CES5A: variants seen among roughly 807,000 people sequenced by gnomAD.
CES5A encodes carboxylesterase 5.
Under a neutral mutation model 62.9 loss-of-function variants are expected in CES5A, and 67 were observed. The observed-to-expected ratio is 1.07, with a 90% CI of 0.88 to 1.31. The LOEUF is 1.31. Among genes scored for constraint, CES5A ranks in the 50% most tolerant of loss-of-function variants. The pLI is 0.00. For synonymous variants in CES5A, 296 were observed against 280.8 expected (o/e 1.05, Z -0.54); for missense variants, 748 against 708.5 (o/e 1.06, Z -0.63).
At chr16:55,930,264 C>CATATAGGCTCTGCATATTTAAA (rs1320817721), upstream of CES5A, among the ~76,000 whole-genome samples, 1 of 152,002 alleles carries the variant, frequency 6.6e-6, no homozygotes, top group Non-Finnish European at 1.5e-5. Context: ...CTAGGCTCTG[C>CATATAGGCTCTGCATATTTAAA]ATATGCAATA....
At chr16:55,905,323 C>T (rs2034029567) in intron 1 of CES5A, among the ~76,000 whole-genome samples, 1 of 151,564 alleles carries the variant, frequency 6.6e-6, no homozygotes, top group East Asian at 1.9e-4. Flanking sequence ...TGCTTTTCTC[C>T]TTTTATCCAC....
chr16:55,858,891 G>A (rs149927395), intron 8 of CES5A, among the ~76,000 whole-genome samples: 17 of 152,212 alleles, frequency 1.1e-4, no homozygotes, highest in East Asian at 7.7e-4. Flanking sequence ...CTAGAAGAGC[G>A]TTTCCTGACC....
At chr16:55,940,446 C>A (rs1355559560) in intron 2 of CES5A, among the ~76,000 whole-genome samples, 4 of 151,874 alleles carry the variant, frequency 2.6e-5, no homozygotes, top group African/African-American at 9.7e-5. Flanking sequence ...TTGAACAATT[C>A]TTGGAAAACC....
At chr16:55,889,318 G>C (rs1234761478) in intron 1 of CES5A, among the ~76,000 whole-genome samples, 2 of 152,122 alleles carry the variant, frequency 1.3e-5, no homozygotes, top group African/African-American at 2.4e-5. Flanking sequence ...AAATCCCACA[G>C]GTTGGGGGCT....
At chr16:55,857,226 CAT>C (rs1246669926) in intron 8 of CES5A, among the ~76,000 whole-genome samples, 3 of 152,196 alleles carry the variant, frequency 2.0e-5, no homozygotes, top group East Asian at 1.9e-4. Flanking sequence ...TCAGGCTCCT[CAT>C]CTGTAAGATG....
At chr16:55,892,116 T>C (rs1426407174) in intron 1 of CES5A, among the ~76,000 whole-genome samples, 1 of 152,186 alleles carries the variant, frequency 6.6e-6, no homozygotes, top group Non-Finnish European at 1.5e-5. Context: ...CTATGAGACT[T>C]CAAAAGAAAC....
intron 1 of CES5A, among the ~76,000 whole-genome samples, chr16:55,910,704 T>C (rs1246602832): frequency 6.6e-6 from 1 of 152,184 alleles, no homozygotes; most frequent in African/African-American, 2.4e-5. Flanking sequence ...GTACAGATTT[T>C]CAAGAGCATG....
At chr16:55,879,378 C>T (rs1422743440), upstream of CES5A, among the ~76,000 whole-genome samples, 1 of 151,942 alleles carries the variant, frequency 6.6e-6, no homozygotes, top group African/African-American at 2.4e-5. Context: ...TTACTGCGCC[C>T]TACCACTGAA....
At chr16:55,880,846 C>T (rs961535442) in intron 1 of CES5A, among the ~76,000 whole-genome samples, 5 of 152,184 alleles carry the variant, frequency 3.3e-5, no homozygotes, top group Non-Finnish European at 5.9e-5. Context: ...CTGTGAAAAT[C>T]AGAAGGCCTC....
At position 55,846,605 on chromosome 16, in the gene CES5A, A is replaced by G; in HGVS notation, c.1574T>C (p.Met525Thr). ...TEQYLQLDLN[M>T]SLGQRLKEPR... ...TTCTTTGAGTCTCTGTCCGAGGCTC[A>G]TGTTCAAGTCCAGCTGGAGGTACTG... Residue 525 changes from methionine to threonine, a missense_variant, in exon 13 of 13, where the codon ATG (methionine) becomes ACG (threonine). Coordinates refer to ENST00000290567, the MANE Select transcript of CES5A (RefSeq NM_001143685.2). 1 of 1,614,170 alleles carries G rather than the reference A, an allele frequency of 6.2e-7. No individual in the cohort carries two copies. The highest frequency in any genetic ancestry group is 8.5e-7 in the Non-Finnish European group (1 of 1,180,028).
At chr16:55,941,500 T>C (rs1304770186) in intron 2 of CES5A, among the ~76,000 whole-genome samples, 1 of 152,088 alleles carries the variant, frequency 6.6e-6, no homozygotes, top group Non-Finnish European at 1.5e-5. Flanking sequence ...ACCATGTTCA[T>C]GGATTGCAAA....
chr16:55,864,750 A>G (rs145369202), intron 5 of CES5A, among the ~76,000 whole-genome samples: 181 of 152,298 alleles, frequency 1.2e-3, no homozygotes, highest in African/African-American at 4.0e-3. Context: ...TAAAAAATAA[A>G]AAAAAAGAAT....
chr16:55,885,167 A>G (rs2033801799), intron 1 of CES5A, among the ~76,000 whole-genome samples: 2 of 152,118 alleles, frequency 1.3e-5, no homozygotes, highest in Non-Finnish European at 2.9e-5. Context: ...TTTTTCAAAT[A>G]CTTACATCAT....
At chr16:55,898,498 CT>C (rs1322718641) in intron 1 of CES5A, among the ~76,000 whole-genome samples, 1 of 152,066 alleles carries the variant, frequency 6.6e-6, no homozygotes. Context: ...CTGAAGAGAC[CT>C]TTAAAAAGGA....
At chr16:55,897,514 T>C (rs1303163093) in intron 1 of CES5A, among the ~76,000 whole-genome samples, 1 of 152,104 alleles carries the variant, frequency 6.6e-6, no homozygotes, top group Non-Finnish European at 1.5e-5. Flanking sequence ...AAGGGATCAG[T>C]CCTATGGAAG....
At chr16:55,862,623 A>T (rs1396255841) in intron 6 of CES5A, among the ~76,000 whole-genome samples, 4 of 152,224 alleles carry the variant, frequency 2.6e-5, no homozygotes, top group African/African-American at 9.6e-5. Flanking sequence ...GCATAACTCT[A>T]TGTTTCTGCT....
At chr16:55,873,580 G>T (rs557087781) in intron 2 of CES5A, among the ~76,000 whole-genome samples, 4 of 152,134 alleles carry the variant, frequency 2.6e-5, no homozygotes, top group African/African-American at 4.8e-5. Flanking sequence ...GGCTCAGCTC[G>T]GGATATTCTG....
intron 10 of CES5A, 116 bp from the exon 11 acceptor site, chr16:55,849,889 A>C: frequency 9.3e-7 from 1 of 1,069,692 alleles, no homozygotes; most frequent in Admixed American, 2.5e-5. Flanking sequence ...CAGCTCAGAG[A>C]CAGCTCACTT....
Position 55,866,658 on chromosome 16 carries a change from T to TAAAAAAAAAAAAAAAAAAAAAAA in CES5A, c.552-543_552-542insTTTTTTTTTTTTTTTTTTTTTTT, listed in dbSNP as rs369679801. ...TAATATAGTGAAACTCTGTCTCTGCTAAAAAAAAAAAAAAAAAAAATACAA... is the reference window on the plus strand; with the variant it reads ...TAATATAGTGAAACTCTGTCTCTGCTAAAAAAAAAAAAAAAAAAAAAAAAAAAAAAAAAAAAAAAAAAATACAA... On this transcript the variant is annotated intron_variant, in intron 4 of 12. Coordinates refer to ENST00000290567, the MANE Select transcript of CES5A (RefSeq NM_001143685.2). Among the ~76,000 whole-genome samples the TAAAAAAAAAAAAAAAAAAAAAAA allele has an allele frequency of 7.5e-4, 62 of 82,826 alleles. 3 individuals are homozygous for TAAAAAAAAAAAAAAAAAAAAAAA. Among genetic ancestry groups the TAAAAAAAAAAAAAAAAAAAAAAA allele is most frequent in the Middle Eastern group, 7.2e-3 (1 of 138 alleles). The allele number at this position is 82,826 out of a possible 152,430, so 54.3% of individuals were successfully genotyped here.
Sources: gnomAD v4.1 joint callset for allele counts (sites outside exome capture counted in the v4.1 genomes callset) on GRCh38, gnomAD v4.1.1 for gene constraint, MANE v1.5 for transcripts, NCBI Gene and HGNC (gene_info 2026-07-23, HGNC 2026-07-21) for gene names.